Variants in FBXL20 observed in about 807,000 individuals in gnomAD.
FBXL20 encodes F-box/LRR-repeat protein 20.
In FBXL20, 11 loss-of-function variants were observed where a neutral mutation model predicts 64.0. The observed-to-expected ratio is 0.17, with a 90% CI of 0.11 to 0.28. FBXL20 has a LOEUF of 0.28. Among genes scored for constraint, FBXL20 ranks in the 10% least tolerant of loss-of-function variants. FBXL20 has a pLI of 1.00. For missense variants in FBXL20, 303 were observed against 526.2 expected (o/e 0.58, Z 4.15); for synonymous variants, 184 against 189.0 (o/e 0.97, Z 0.22).
chr17:39,275,208 A>G, intron 9 of FBXL20, 108 bp from the exon 10 acceptor site: 1 of 1,155,070 alleles, frequency 8.7e-7, no homozygotes, highest in Admixed American at 2.8e-5. Flanking sequence ...AAATCAAGAC[A>G]TGCTTAACAC....
intron 3 of FBXL20, 122 bp from the exon 4 acceptor site, chr17:39,301,197 C>T: frequency 1.3e-6 from 1 of 757,878 alleles, no homozygotes; most frequent in Non-Finnish European, 2.2e-6. Flanking sequence ...TTATCAGGCC[C>T]TATCCACTTA....
At chr17:39,313,454 A>G (rs1431850806) in intron 2 of FBXL20, among the ~76,000 whole-genome samples, 1 of 149,410 alleles carries the variant, frequency 6.7e-6, no homozygotes, top group Non-Finnish European at 1.5e-5. Context: ...GCTGGTCTCA[A>G]ACTACTCACC....
intron 1 of FBXL20, among the ~76,000 whole-genome samples, chr17:39,367,181 C>T (rs530547759): frequency 6.6e-6 from 1 of 152,230 alleles, no homozygotes; most frequent in South Asian, 2.1e-4. Flanking sequence ...CCGCGCCCAG[C>T]CTATCAGTCC....
At chr17:39,365,682 T>C (rs1184708916) in intron 1 of FBXL20, among the ~76,000 whole-genome samples, 1 of 152,180 alleles carries the variant, frequency 6.6e-6, no homozygotes, top group Admixed American at 6.5e-5. Context: ...CTTTTCAGTA[T>C]TTTTAATTTA....
upstream of FBXL20, chr17:39,401,787 G>C: frequency 5.2e-6 from 5 of 963,884 alleles, no homozygotes; most frequent in Non-Finnish European, 6.4e-6. Flanking sequence ...CCCCCACACG[G>C]GGCCGGCCCT....
intron 2 of FBXL20, among the ~76,000 whole-genome samples, chr17:39,315,771 A>T (rs770769029): frequency 7.3e-5 from 11 of 150,392 alleles, no homozygotes; most frequent in Non-Finnish European, 1.6e-4. Flanking sequence ...CATGGCATGA[A>T]GTGCCCAAAC....
intron 6 of FBXL20, among the ~76,000 whole-genome samples, chr17:39,296,109 C>T (rs2047082990): frequency 6.6e-6 from 1 of 152,058 alleles, no homozygotes; most frequent in Admixed American, 6.6e-5. Flanking sequence ...TGGTCAAATT[C>T]TTATTCTTTA....
At chr17:39,386,037 A>AC (rs1010506590) in intron 1 of FBXL20, among the ~76,000 whole-genome samples, 3 of 149,586 alleles carry the variant, frequency 2.0e-5, no homozygotes, top group African/African-American at 7.4e-5. Context: ...AAAAAAAAAA[A>AC]AAAAAAAACA....
chr17:39,401,606 G>C lies in FBXL20; in HGVS notation c.-204C>G. 5 of 1,404,170 alleles carry C rather than the reference G, an allele frequency of 3.6e-6. No individual in the cohort carries two copies. Among genetic ancestry groups the C allele is most frequent in the Non-Finnish European group, 4.6e-6 (5 of 1,088,230 alleles). The allele number at this position is 1,404,170 out of a possible 1,614,324, so 87.0% of individuals were successfully genotyped here. On this transcript the variant is annotated 5_prime_UTR_variant, in exon 1 of 15. Transcript: ENST00000264658. ...GCGCCGGCGGCCGCAACGACTGCTCGTCGCTAGCTCGGCTCTCTCCTCAGC... is the reference window on the plus strand; with the variant it reads ...GCGCCGGCGGCCGCAACGACTGCTCCTCGCTAGCTCGGCTCTCTCCTCAGC...
At chr17:39,323,639 T>G (rs1037563685) in intron 2 of FBXL20, among the ~76,000 whole-genome samples, 4 of 152,152 alleles carry the variant, frequency 2.6e-5, no homozygotes, top group African/African-American at 9.7e-5. Context: ...GGCCTTACTA[T>G]TCAAAGGCCT....
chr17:39,398,639 T>TAC (rs976405421), intron 1 of FBXL20, among the ~76,000 whole-genome samples: 13 of 151,936 alleles, frequency 8.6e-5, no homozygotes, highest in African/African-American at 3.1e-4. Flanking sequence ...CACAGGATGC[T>TAC]ACACATCTGG....
intron 1 of FBXL20, among the ~76,000 whole-genome samples, chr17:39,400,006 G>A (rs1437658734): frequency 6.6e-6 from 1 of 152,072 alleles, no homozygotes; most frequent in East Asian, 1.9e-4. Flanking sequence ...GGGTTTTTAC[G>A]GTACTACTGA....
rs1177370164 is a variant in FBXL20, at chr17:39,256,928, G to T, written c.*4532C>A. The T allele has an allele frequency of 3.9e-5, 6 of 152,092 alleles. No homozygotes were observed. Among genetic ancestry groups the T allele is most frequent in the Non-Finnish European group, 8.8e-5 (6 of 68,008 alleles). 9.4% of individuals were successfully genotyped at this position (152,092 alleles called of 1,614,324 possible). On this transcript the variant is annotated 3_prime_UTR_variant, in exon 15 of 15. Coordinates refer to ENST00000264658, the MANE Select transcript of FBXL20 (RefSeq NM_032875.3). ...CAAGACAGGTTTCATCACATATTTT[G>T]TTTAGTCCCCCATGGCATTAGTGGG...
chr17:39,402,284 G>A, upstream of FBXL20: 12 of 1,038,338 alleles, frequency 1.2e-5, no homozygotes, highest in Non-Finnish European at 1.5e-5. Flanking sequence ...CTCCGCGGTT[G>A]CCGCCGCCGC....
chr17:39,331,753 G>A (rs951100192), intron 2 of FBXL20, among the ~76,000 whole-genome samples: 2 of 152,112 alleles, frequency 1.3e-5, no homozygotes, highest in African/African-American at 4.8e-5. Flanking sequence ...AAAGAACATC[G>A]GTTGTCATCC....
At chr17:39,324,639 A>C (rs1310027292) in intron 2 of FBXL20, among the ~76,000 whole-genome samples, 1 of 152,208 alleles carries the variant, frequency 6.6e-6, no homozygotes, top group African/African-American at 2.4e-5. Context: ...AAAAACATTT[A>C]TAAAATTGTG....
intron 11 of FBXL20, 53 bp from the exon 12 acceptor site, chr17:39,268,924 G>A: frequency 1.3e-6 from 2 of 1,518,092 alleles, no homozygotes; most frequent in Non-Finnish European, 1.8e-6. Flanking sequence ...TTTAAAACAT[G>A]AGAAACTTTT....
chr17:39,286,792 CT>C (rs1386020297), intron 6 of FBXL20, among the ~76,000 whole-genome samples: 3 of 151,664 alleles, frequency 2.0e-5, no homozygotes, highest in Non-Finnish European at 4.4e-5. Context: ...GAGTGAAACT[CT>C]GTCTCAAAAA....
At chr17:39,353,419 T>A (rs1265748569) in intron 1 of FBXL20, among the ~76,000 whole-genome samples, 1 of 152,152 alleles carries the variant, frequency 6.6e-6, no homozygotes, top group Non-Finnish European at 1.5e-5. Flanking sequence ...ATAATTGTTC[T>A]ATTTTATTAG....
Sources: allele counts gnomAD v4.1 joint callset (sites outside exome capture counted in the v4.1 genomes callset), GRCh38; gene constraint gnomAD v4.1.1; transcripts MANE v1.5; gene names NCBI Gene and HGNC (gene_info 2026-07-23, HGNC 2026-07-21).